The following RABGEF1 variants were observed in gnomAD, a reference collection of about 807,000 sequenced individuals.
The protein encoded by RABGEF1 is rab5 GDP/GTP exchange factor.
RABGEF1 carries 26 observed loss-of-function variants against 57.3 expected under a neutral mutation model. The observed-to-expected ratio is 0.45, with a 90% CI of 0.33 to 0.63. RABGEF1 has a LOEUF of 0.63. RABGEF1 is among the 20% of genes least tolerant of loss of function. RABGEF1 has a pLI of 0.02. For synonymous variants in RABGEF1, 185 were observed against 210.7 expected (o/e 0.88, Z 1.06); for missense variants, 464 against 607.6 (o/e 0.76, Z 2.48).
At chr7:66,778,401 A>C (rs7808074) in intron 3 of RABGEF1, among the ~76,000 whole-genome samples, 1,717 of 152,300 alleles carry the variant, frequency 0.011, 25 homozygotes, top group African/African-American at 0.037. Flanking sequence ...GACTCAGTTA[A>C]AGTGTTTTAG....
rs1261064599 is a variant in RABGEF1 at position 66,810,019 on chromosome 7, G to A, written c.*735G>A. The stretch of plus-strand genomic sequence containing the variant: ...AAATTGCTGTTTAATGTAGTCGATG[G>A]AAGACTTTAAACTATGCTTCTAGCT... On this transcript the variant is annotated 3_prime_UTR_variant, in exon 9 of 9. Transcript: ENST00000284957. The A allele has an allele frequency of 1.3e-5, 2 of 152,226 alleles. No individual in the cohort carries two copies. Among genetic ancestry groups the A allele is most frequent in the Non-Finnish European group, 2.9e-5 (2 of 68,022 alleles). The allele number at this position is 152,226 out of a possible 1,614,324, so 9.4% of individuals were successfully genotyped here. A position where few individuals can be genotyped will look rare whatever the true frequency, so the allele number is the denominator to read the frequency against.
chr7:66,693,942 G>C (rs1214936651), intron 1 of RABGEF1, among the ~76,000 whole-genome samples: 3 of 152,144 alleles, frequency 2.0e-5, no homozygotes, highest in Admixed American at 2.0e-4. Flanking sequence ...AGAGTAGTTG[G>C]GATTACAAGA....
chr7:66,689,118 A>G (rs1791145095), intron 1 of RABGEF1, among the ~76,000 whole-genome samples: 1 of 152,052 alleles, frequency 6.6e-6, no homozygotes, highest in Non-Finnish European at 1.5e-5. Context: ...ATAAAAATTA[A>G]AAGAAAGCTC....
intron 1 of RABGEF1, among the ~76,000 whole-genome samples, chr7:66,688,085 C>CAAAAAAAAAAAAAAAAAAAAAAA (rs60925853): frequency 9.2e-6 from 1 of 109,168 alleles, no homozygotes; most frequent in Non-Finnish European, 1.8e-5. Flanking sequence ...AACTCTGTGT[C>CAAAAAAAAAAAAAAAAAAAAAAA]AAAAAAAAAA....
At chr7:66,774,370 G>A (rs1168753799) in intron 2 of RABGEF1, among the ~76,000 whole-genome samples, 1 of 152,176 alleles carries the variant, frequency 6.6e-6, no homozygotes, top group Non-Finnish European at 1.5e-5. Flanking sequence ...ATCTGACAGC[G>A]ATAACTCCTT....
intron 5 of RABGEF1, 76 bp downstream of exon 5, chr7:66,795,668 T>G: frequency 7.4e-7 from 1 of 1,349,098 alleles, no homozygotes; most frequent in Non-Finnish European, 1.1e-6. Flanking sequence ...ATTTCTTTCT[T>G]TCTCTGATGG....
intron 1 of RABGEF1, among the ~76,000 whole-genome samples, chr7:66,697,174 G>T (rs1417789389): frequency 6.6e-6 from 1 of 152,094 alleles, no homozygotes; most frequent in East Asian, 1.9e-4. Flanking sequence ...CGTCCAGAAG[G>T]CAAGAGGAGG....
chr7:66,700,429 TG>T (rs1393908469), intron 1 of RABGEF1, among the ~76,000 whole-genome samples: 1 of 145,478 alleles, frequency 6.9e-6, no homozygotes, highest in African/African-American at 2.5e-5. Flanking sequence ...GGTCAGATCC[TG>T]GGAAAAGGCC....
chr7:66,809,297 G>C lies in RABGEF1; in HGVS notation c.*13G>C, dbSNP rs367574940. 6.3e-7 allele frequency: 1 copy of C among 1,593,318 alleles called. No individual in the cohort carries two copies. The highest frequency in any genetic ancestry group is 8.6e-7 in the Non-Finnish European group (1 of 1,167,632). Reference sequence around the variant, plus strand: ...TTATGCAGGATGATCACAATTTAGTGGAGAGTATTTATTTGAGCCTAAATT... The same window carrying C: ...TTATGCAGGATGATCACAATTTAGTCGAGAGTATTTATTTGAGCCTAAATT... On this transcript the variant is annotated 3_prime_UTR_variant, in exon 9 of 9. Coordinates refer to ENST00000284957, the MANE Select transcript of RABGEF1 (RefSeq NM_014504.3).
chr7:66,750,890 TCTC>T (rs1217043550), intron 1 of RABGEF1, among the ~76,000 whole-genome samples: 4 of 152,246 alleles, frequency 2.6e-5, no homozygotes, highest in African/African-American at 7.2e-5. Context: ...AAAATACTCT[TCTC>T]CTGTGTTTGT....
At chr7:66,776,421 G>A (rs1355626162) in intron 3 of RABGEF1, among the ~76,000 whole-genome samples, 4 of 152,314 alleles carry the variant, frequency 2.6e-5, no homozygotes, top group Admixed American at 2.6e-4. Context: ...GACCTGGTGC[G>A]GTAGCTCAAG....
intron 1 of RABGEF1, among the ~76,000 whole-genome samples, chr7:66,745,080 T>G (rs1206931672): frequency 6.6e-6 from 1 of 151,810 alleles, no homozygotes. Flanking sequence ...TAGTCTCAGT[T>G]ACTCAGGAGG....
At chr7:66,662,265 A>C in the RABGEF1 span, among the ~76,000 whole-genome samples, 2 of 151,820 alleles carry the variant, frequency 1.3e-5, no homozygotes, top group African/African-American at 4.8e-5. Flanking sequence ...AATTGAGTTC[A>C]AGACCAGCCT....
At chr7:66,771,178 ACCCAG>A (rs1182356602) in intron 1 of RABGEF1, among the ~76,000 whole-genome samples, 9 of 152,090 alleles carry the variant, frequency 5.9e-5, no homozygotes, top group Admixed American at 4.6e-4. Flanking sequence ...TTGCTCTGTC[ACCCAG>A]CCTGGAGTGC....
intron 3 of RABGEF1, among the ~76,000 whole-genome samples, chr7:66,780,652 C>T (rs988039175): frequency 9.2e-5 from 14 of 152,084 alleles, no homozygotes; most frequent in Admixed American, 1.3e-4. Flanking sequence ...ATTGAAATCT[C>T]CAAATACTGT....
chr7:66,786,258 C>G (rs1811162733), intron 4 of RABGEF1, among the ~76,000 whole-genome samples: 1 of 151,316 alleles, frequency 6.6e-6, no homozygotes, highest in African/African-American at 2.4e-5. Context: ...GCCATTTTAT[C>G]TTTATCAAGA....
chr7:66,757,843 C>T (rs1424507390), intron 1 of RABGEF1, among the ~76,000 whole-genome samples: 3 of 152,148 alleles, frequency 2.0e-5, no homozygotes, highest in Non-Finnish European at 4.4e-5. Context: ...GATCTTCTGA[C>T]CTCGTGATCC....
At chr7:66,786,786 C>T (rs10275956) in intron 4 of RABGEF1, among the ~76,000 whole-genome samples, 24,342 of 152,174 alleles carry the variant, frequency 0.16, 2,278 homozygotes, top group East Asian at 0.29. Context: ...TCTTACTAGC[C>T]ACTTAATGTT....
rs1357435208 is a variant in RABGEF1, at chr7:66,726,732, G to A, written c.-814-13264G>A. On this transcript the variant is annotated intron_variant and NMD_transcript_variant, in intron 2 of 9. Coordinates refer to the RABGEF1 transcript ENST00000607882. ...TAAAATGGACTGCGAGGTCAGGTGC[G>A]GTGGCTCACGCCTGTAATCCCAACC... 5.9e-5 allele frequency among the ~76,000 whole-genome samples: 9 copies of A among 152,164 alleles called. 1 individual carries two copies. The highest frequency in any genetic ancestry group is 2.6e-4 in the Admixed American group (4 of 15,284).
Sources: allele counts gnomAD v4.1 joint callset (sites outside exome capture counted in the v4.1 genomes callset), GRCh38; gene constraint gnomAD v4.1.1; transcripts MANE v1.5; gene names NCBI Gene and HGNC (gene_info 2026-07-23, HGNC 2026-07-21).